The following FOXN3 variants were observed in gnomAD, a reference collection of about 807,000 sequenced individuals.
The protein encoded by FOXN3 is forkhead box protein N3.
FOXN3 carries 7 observed loss-of-function variants against 38.4 expected under a neutral mutation model. That is an observed-to-expected ratio of 0.18 (90% CI 0.10 to 0.34). The LOEUF is 0.34. FOXN3 is among the 10% of genes least tolerant of loss of function. The pLI, the probability that FOXN3 is intolerant of heterozygous loss-of-function variation, is 1.00. For missense variants in FOXN3, 456 were observed against 613.4 expected (o/e 0.74, Z 2.71); for synonymous variants, 230 against 242.2 (o/e 0.95, Z 0.47).
At chr14:89,350,602 T>C in intron 3 of FOXN3, 70 bp downstream of exon 3, 2 of 1,313,732 alleles carry the variant, frequency 1.5e-6, no homozygotes, top group Non-Finnish European at 1.0e-6. Context: ...ATTAAATTAA[T>C]TTCCGCGCAG....
intron 3 of FOXN3, among the ~76,000 whole-genome samples, chr14:89,329,156 T>C (rs981752555): frequency 3.3e-5 from 5 of 152,198 alleles, no homozygotes; most frequent in African/African-American, 9.7e-5. Context: ...GCCCAAGATA[T>C]AGCACCCCTC....
intron 1 of FOXN3, among the ~76,000 whole-genome samples, chr14:89,496,424 G>A (rs756303818): frequency 2.0e-5 from 3 of 151,934 alleles, no homozygotes; most frequent in Admixed American, 6.6e-5. Flanking sequence ...ACTACACCCC[G>A]CGCCACCTTC....
At chr14:89,595,349 C>G (rs1896037367) in intron 1 of FOXN3, among the ~76,000 whole-genome samples, 1 of 151,850 alleles carries the variant, frequency 6.6e-6, no homozygotes, top group Non-Finnish European at 1.5e-5. Context: ...AGTAAGTCTT[C>G]CATCTCATAA....
chr14:89,446,639 T>C (rs1193266269), intron 1 of FOXN3, among the ~76,000 whole-genome samples: 1 of 152,236 alleles, frequency 6.6e-6, no homozygotes, highest in Non-Finnish European at 1.5e-5. Flanking sequence ...TGTATGAAAT[T>C]TGTTTCTACA....
chr14:89,472,336 A>C (rs953870240), intron 1 of FOXN3, among the ~76,000 whole-genome samples: 13 of 152,122 alleles, frequency 8.5e-5, no homozygotes, highest in African/African-American at 3.1e-4. Context: ...CAACCCAGCC[A>C]ACTCTGAGTG....
intron 4 of FOXN3, among the ~76,000 whole-genome samples, chr14:89,193,532 C>A (rs1888019332): frequency 6.6e-6 from 1 of 151,538 alleles, no homozygotes; most frequent in East Asian, 2.0e-4. Flanking sequence ...TGACCCCCCA[C>A]CCCCCCACCT....
chr14:89,174,347 G>A (rs1206530818), intron 5 of FOXN3, among the ~76,000 whole-genome samples: 1 of 152,130 alleles, frequency 6.6e-6, no homozygotes, highest in Non-Finnish European at 1.5e-5. Flanking sequence ...ACGTCCAGGG[G>A]CCAGGTGGTC....
chr14:89,167,335 C>A (rs1887268722), intron 5 of FOXN3, among the ~76,000 whole-genome samples: 2 of 152,206 alleles, frequency 1.3e-5, no homozygotes, highest in Admixed American at 1.3e-4. Context: ...ATTAGGGGTT[C>A]CACTACAGTA....
At chr14:89,369,325 T>C (rs747995255) in intron 2 of FOXN3, among the ~76,000 whole-genome samples, 2 of 152,222 alleles carry the variant, frequency 1.3e-5, no homozygotes, top group African/African-American at 2.4e-5. Context: ...GTAGCAGTGA[T>C]AGTAGCAGCA....
rs574002328 is a variant in FOXN3 at position 89,265,328 on chromosome 14, G to A, written c.745+15622C>T. On this transcript the variant is annotated intron_variant, in intron 4 of 5. Transcript: ENST00000557258. ...CCCCCAACTCAGCAACGCTGCTGGT[G>A]AAAATAGGCTTGGACAGGCTCTCCT... is the stretch of plus-strand genomic sequence containing the variant. Among the ~76,000 whole-genome samples the A allele has an allele frequency of 2.7e-3, 417 of 152,322 alleles. 1 individual carries two copies. The highest frequency in any genetic ancestry group is 0.016 in the South Asian group (78 of 4,830).
intron 1 of FOXN3, among the ~76,000 whole-genome samples, chr14:89,437,242 ATTG>A (rs1331346414): frequency 6.7e-6 from 1 of 149,294 alleles, no homozygotes; most frequent in Non-Finnish European, 1.5e-5. Context: ...TTAATAGAGT[ATTG>A]TTGATGAATG....
intron 2 of FOXN3, among the ~76,000 whole-genome samples, chr14:89,370,609 T>C (rs1446273125): frequency 6.6e-6 from 1 of 152,226 alleles, no homozygotes; most frequent in Non-Finnish European, 1.5e-5. Flanking sequence ...TTCTTCAAAG[T>C]GTGTGCTACT....
At chr14:89,166,915 TAAAAG>T (rs1887257034) in intron 5 of FOXN3, among the ~76,000 whole-genome samples, 1 of 152,234 alleles carries the variant, frequency 6.6e-6, no homozygotes, top group Non-Finnish European at 1.5e-5. Context: ...AACAAATGCT[TAAAAG>T]AAACCAGCCA....
chr14:89,321,690 T>C (rs975158012), intron 3 of FOXN3, among the ~76,000 whole-genome samples: 3 of 152,076 alleles, frequency 2.0e-5, no homozygotes, highest in African/African-American at 4.8e-5. Flanking sequence ...TCAAAAGAGG[T>C]TGTCTTTGTA....
chr14:89,272,880 A>G (rs1886191384), intron 4 of FOXN3, among the ~76,000 whole-genome samples: 1 of 152,226 alleles, frequency 6.6e-6, no homozygotes, highest in Non-Finnish European at 1.5e-5. Flanking sequence ...AAATAAAAAT[A>G]AAATAATCCT....
intron 4 of FOXN3, among the ~76,000 whole-genome samples, chr14:89,249,044 T>C (rs184039063): frequency 7.6e-4 from 116 of 152,362 alleles, no homozygotes; most frequent in African/African-American, 2.5e-3. Flanking sequence ...CCAAACATCA[T>C]TCCTGGGTTG....
At chr14:89,231,626 A>C (rs1259051393) in intron 4 of FOXN3, among the ~76,000 whole-genome samples, 5 of 152,158 alleles carry the variant, frequency 3.3e-5, no homozygotes, top group Non-Finnish European at 5.9e-5. Context: ...ACCAGCAGCT[A>C]TTCAGAAGGT....
Position 89,383,595 on chromosome 14 carries a change from C to T in FOXN3, c.543+28339G>A, listed in dbSNP as rs1263191097. On this transcript the variant is annotated intron_variant, in intron 2 of 5. Coordinates refer to ENST00000557258, the MANE Select transcript of FOXN3 (RefSeq NM_005197.4). ...CTCCTGGCTTCTGGCGGCCCCCGGC[C>T]GATCTTGGCACTCCCTGGCTCACCC... Among the ~76,000 whole-genome samples, 12 of 152,292 alleles carry T rather than the reference C, an allele frequency of 7.9e-5. No individual in the cohort carries two copies. The East Asian group carries it at 2.1e-3, about 27-fold the overall frequency.
chr14:89,513,668 C>A (rs905211623), intron 1 of FOXN3, among the ~76,000 whole-genome samples: 1 of 152,162 alleles, frequency 6.6e-6, no homozygotes, highest in Non-Finnish European at 1.5e-5. Flanking sequence ...GATCTCGGCT[C>A]ACCACAACCT....
Sources: gnomAD v4.1 joint callset for allele counts (sites outside exome capture counted in the v4.1 genomes callset) on GRCh38, gnomAD v4.1.1 for gene constraint, MANE v1.5 for transcripts, NCBI Gene and HGNC (gene_info 2026-07-23, HGNC 2026-07-21) for gene names.